Variants in ABTB3 observed in about 807,000 individuals in gnomAD.
The protein encoded by ABTB3 is ankyrin repeat- and BTB/POZ domain-containing protein 3.
At chr12:107,582,700 T>C in the ABTB3 span, among the ~76,000 whole-genome samples, 13 of 152,346 alleles carry the variant, frequency 8.5e-5, no homozygotes, top group South Asian at 1.9e-3. Context: ...GTGGAGCAGC[T>C]TGTAGGTAGA....
At chr12:107,566,253 A>G in the ABTB3 span, among the ~76,000 whole-genome samples, 34 of 151,928 alleles carry the variant, frequency 2.2e-4, no homozygotes, top group Admixed American at 2.2e-3. Flanking sequence ...TCTTTTTACC[A>G]GAAAATTCTA....
At chr12:107,548,026 G>A in the ABTB3 span, among the ~76,000 whole-genome samples, 1 of 152,206 alleles carries the variant, frequency 6.6e-6, no homozygotes, top group Non-Finnish European at 1.5e-5. Flanking sequence ...AGGTTTTAGT[G>A]TTTAGCACTG....
At chr12:107,530,139 CA>C in the ABTB3 span, among the ~76,000 whole-genome samples, 1 of 152,140 alleles carries the variant, frequency 6.6e-6, no homozygotes, top group Non-Finnish European at 1.5e-5. Flanking sequence ...AAATGCAGGG[CA>C]AGCTGAAAGG....
At chr12:107,416,077 C>A in the ABTB3 span, among the ~76,000 whole-genome samples, 87 of 152,294 alleles carry the variant, frequency 5.7e-4, no homozygotes, top group East Asian at 0.014. Context: ...GGCGCAGCTG[C>A]AAATGAGAAA....
At chr12:107,540,886 A>G in the ABTB3 span, among the ~76,000 whole-genome samples, 1 of 152,166 alleles carries the variant, frequency 6.6e-6, no homozygotes, top group East Asian at 1.9e-4. Context: ...CTGTAGTTCC[A>G]GCTACTTGGG....
chr12:107,544,512 G>C, the ABTB3 span, among the ~76,000 whole-genome samples: 1 of 152,122 alleles, frequency 6.6e-6, no homozygotes, highest in Non-Finnish European at 1.5e-5. Context: ...CCAGGGCCCG[G>C]GATAACCAGA....
At chr12:107,345,598 C>A in the ABTB3 span, among the ~76,000 whole-genome samples, 2 of 152,184 alleles carry the variant, frequency 1.3e-5, no homozygotes, top group Non-Finnish European at 2.9e-5. Context: ...AGATAGGACA[C>A]CCCCAACCCT....
At chr12:107,460,573 C>T in the ABTB3 span, among the ~76,000 whole-genome samples, 1 of 152,156 alleles carries the variant, frequency 6.6e-6, no homozygotes, top group Non-Finnish European at 1.5e-5. Flanking sequence ...GCACAAGAAT[C>T]GCTTGAGCCC....
chr12:107,615,148 A>T, the ABTB3 span: 3 of 1,612,816 alleles, frequency 1.9e-6, no homozygotes, highest in Non-Finnish European at 2.5e-6. Flanking sequence ...GCATGGACAT[A>T]TTCCTGTAGT....
the ABTB3 span, among the ~76,000 whole-genome samples, chr12:107,472,401 A>G: frequency 1.3e-5 from 2 of 152,186 alleles, no homozygotes; most frequent in African/African-American, 2.4e-5. Flanking sequence ...CCAGGATAAG[A>G]CAAAGCTCAA....
chr12:107,444,184 G>A, the ABTB3 span, among the ~76,000 whole-genome samples: 1 of 152,254 alleles, frequency 6.6e-6, no homozygotes, highest in Non-Finnish European at 1.5e-5. Context: ...GGACAGCAGA[G>A]CATGGCGATG....
At chr12:107,637,030 T>C in the ABTB3 span, among the ~76,000 whole-genome samples, 1 of 152,234 alleles carries the variant, frequency 6.6e-6, no homozygotes, top group Non-Finnish European at 1.5e-5. Context: ...CCCAGCACTT[T>C]GGGAGGCTGA....
the ABTB3 span, among the ~76,000 whole-genome samples, chr12:107,463,271 A>G: frequency 6.7e-6 from 1 of 150,296 alleles, no homozygotes; most frequent in African/African-American, 2.4e-5. Flanking sequence ...GGTGATGATG[A>G]TAGAGTGACA....
At chr12:107,621,695 C>T in the ABTB3 span, among the ~76,000 whole-genome samples, 25 of 152,178 alleles carry the variant, frequency 1.6e-4, no homozygotes, top group Non-Finnish European at 2.8e-4. Flanking sequence ...AAATGGAACA[C>T]GACTAGCACC....
At chr12:107,614,997 T>A in the ABTB3 span, 1 of 1,422,710 alleles carries the variant, frequency 7.0e-7, no homozygotes, top group Non-Finnish European at 9.9e-7. Flanking sequence ...CACAGATACG[T>A]CAAATTTGCT....
chr12:107,657,662 T>C, the ABTB3 span: 3 of 1,614,190 alleles, frequency 1.9e-6, no homozygotes, highest in South Asian at 3.3e-5. Flanking sequence ...ACAGAGGACG[T>C]TGGCCATCAG....
the ABTB3 span, among the ~76,000 whole-genome samples, chr12:107,533,636 T>A: frequency 1.8e-4 from 28 of 152,174 alleles, no homozygotes; most frequent in Non-Finnish European, 1.5e-5. Context: ...AAACAAACAT[T>A]ATTAGCTAAA....
At chr12:107,507,417 C>T in the ABTB3 span, among the ~76,000 whole-genome samples, 26 of 152,066 alleles carry the variant, frequency 1.7e-4, no homozygotes, top group African/African-American at 4.6e-4. Context: ...GCTGGCAGCC[C>T]GAGCAGAAAG....
At chr12:107,345,504 A>T in the ABTB3 span, among the ~76,000 whole-genome samples, 1 of 151,776 alleles carries the variant, frequency 6.6e-6, no homozygotes. Context: ...CTTAAGCAGA[A>T]GGGGGGGATT....
Sources: gnomAD v4.1 joint callset for allele counts (sites outside exome capture counted in the v4.1 genomes callset) on GRCh38, gnomAD v4.1.1 for gene constraint, MANE v1.5 for transcripts, NCBI Gene and HGNC (gene_info 2026-07-23, HGNC 2026-07-21) for gene names.